The following ABCA6 variants were observed in gnomAD, a reference collection of about 807,000 sequenced individuals.
The protein encoded by ABCA6 is ATP binding cassette subfamily A member 6, also known as ATP-binding cassette sub-family A member 6.
A neutral mutation model predicts 191.2 loss-of-function variants in ABCA6; 164 were observed. That is an observed-to-expected ratio of 0.86 (90% CI 0.76 to 0.98). The LOEUF (loss-of-function observed/expected upper bound fraction) is 0.98, where lower values mean the gene tolerates loss of function less well. ABCA6 is among the 50% of genes least tolerant of loss of function. ABCA6 has a pLI of 0.00. For synonymous variants in ABCA6, 636 were observed against 647.7 expected, an observed-to-expected ratio of 0.98 and a Z score of 0.27; for missense variants, 1,958 against 1,894.1, an observed-to-expected ratio of 1.03 and a Z score of -0.63.
Position 69,113,722 on chromosome 17 carries a change from A to G in ABCA6, c.1798T>C (p.Leu600=). The change falls in exon 14 of 39, where the codon TTG becomes CTG. Residue 600 remains leucine (L), a synonymous_variant. Coordinates refer to ENST00000284425, the MANE Select transcript of ABCA6 (RefSeq NM_080284.3). ...EVEQEVQRIL[L]ELDMQNIQDN... is the part of the protein sequence containing the mutation. ...TGAATGTTTTGCATGTCCAATTCCA[A>G]TAATATTCGTTGTACCTATATGAGA... The G allele has an allele frequency of 1.2e-6, 2 of 1,612,222 alleles. No individual in the cohort carries two copies. The highest frequency in any genetic ancestry group is 2.2e-5 in the South Asian group (2 of 91,002).
In ABCA6 at chr17:69,079,473, T is replaced by C. The variant is rs555224516; in HGVS notation, c.4697-208A>G. ...TAATATTGATGTTATTTTCTCATAT[T>C]ATGTTTCAATAATATTTGTTTTGGT... is the stretch of plus-strand genomic sequence containing the variant. On this transcript the variant is annotated intron_variant, in intron 37 of 38. Transcript: ENST00000284425. 2.0e-5 allele frequency among the ~76,000 whole-genome samples: 3 copies of C among 152,356 alleles called. No individual in the cohort carries two copies. The East Asian group carries it at 5.8e-4, about 29-fold the overall frequency.
intron 26 of ABCA6, 118 bp from the exon 27 acceptor site, chr17:69,089,660 T>C: frequency 1.2e-6 from 1 of 808,194 alleles, no homozygotes; most frequent in Non-Finnish European, 1.9e-6. Flanking sequence ...TCAATTTCTT[T>C]GTGTGCACTA....
At chr17:69,128,502 C>A in intron 8 of ABCA6, 117 bp downstream of exon 8, 1 of 700,626 alleles carries the variant, frequency 1.4e-6, no homozygotes, top group Non-Finnish European at 2.1e-6. Flanking sequence ...TAAAGCTTAA[C>A]TTTAGAAAAA....
chr17:69,098,969 A>G (rs951070329), intron 22 of ABCA6, among the ~76,000 whole-genome samples: 1 of 152,228 alleles, frequency 6.6e-6, no homozygotes, highest in Non-Finnish European at 1.5e-5. Flanking sequence ...ACAACAAAAA[A>G]ACAATAATTC....
chr17:69,093,201 A>G (rs2072967938), intron 25 of ABCA6, among the ~76,000 whole-genome samples: 1 of 152,226 alleles, frequency 6.6e-6, no homozygotes. Flanking sequence ...TTAAGAAAAT[A>G]ACAGAATAAT....
At chr17:69,105,720 G>A in intron 19 of ABCA6, 92 bp from the exon 20 acceptor site, 2 of 987,676 alleles carry the variant, frequency 2.0e-6, no homozygotes, top group African/African-American at 1.6e-5. Context: ...TGCCAAGCCT[G>A]CCTTATGCCA....
At chr17:69,101,686 A>T (rs548176255) in intron 21 of ABCA6, among the ~76,000 whole-genome samples, 1 of 151,594 alleles carries the variant, frequency 6.6e-6, no homozygotes, top group African/African-American at 2.4e-5. Flanking sequence ...ATTCATCCTT[A>T]CCCTGCCAAA....
At chr17:69,115,547 G>T in intron 11 of ABCA6, 61 bp from the exon 12 acceptor site, 3 of 1,235,094 alleles carry the variant, frequency 2.4e-6, no homozygotes, top group East Asian at 2.4e-5. Flanking sequence ...GCATTAGACA[G>T]GCCTGGTCCC....
At chr17:69,107,655 T>G in intron 18 of ABCA6, 41 bp downstream of exon 18, 1 of 1,283,008 alleles carries the variant, frequency 7.8e-7, no homozygotes, top group Non-Finnish European at 1.1e-6. Context: ...CACATGATCA[T>G]TTGGGAATTG....
intron 5 of ABCA6, among the ~76,000 whole-genome samples, chr17:69,134,282 T>C (rs2144717910): frequency 6.6e-6 from 1 of 152,204 alleles, no homozygotes; most frequent in Non-Finnish European, 1.5e-5. Context: ...AGGGAGAGCC[T>C]TTGGGGTAGT....
intron 3 of ABCA6, 56 bp from the exon 4 acceptor site, chr17:69,136,306 A>G (rs1465179709): frequency 2.4e-6 from 3 of 1,258,236 alleles, no homozygotes; most frequent in Non-Finnish European, 3.2e-6. Flanking sequence ...TTGCCACAAC[A>G]TAATGTGATA....
chr17:69,135,708 A>T (rs1217470697), intron 4 of ABCA6: 2 of 322,368 alleles, frequency 6.2e-6, no homozygotes, highest in Middle Eastern at 8.2e-4. Flanking sequence ...CCCAGGTAGG[A>T]CTTCTCTAAT....
chr17:69,131,028 C>A (rs760512206), intron 6 of ABCA6, among the ~76,000 whole-genome samples: 1 of 152,140 alleles, frequency 6.6e-6, no homozygotes, highest in Non-Finnish European at 1.5e-5. Context: ...TTAGATCTAA[C>A]AAGACTATAG....
At chr17:69,095,840 A>G (rs1296267694) in intron 25 of ABCA6, among the ~76,000 whole-genome samples, 1 of 152,266 alleles carries the variant, frequency 6.6e-6, no homozygotes, top group Admixed American at 6.5e-5. Context: ...GTAACCTGGC[A>G]TAAGTATAAA....
chr17:69,128,784 C>G lies in ABCA6; in HGVS notation c.954G>C (p.Met318Ile). 4 of 1,598,666 alleles carry G rather than the reference C, an allele frequency of 2.5e-6. No individual in the cohort carries two copies. The highest frequency in any genetic ancestry group is 2.3e-5 in the East Asian group (1 of 44,298). The stretch of plus-strand genomic sequence containing the variant: ...GGACAGCTTTCTTTAACAGCACACT[C>G]ATCAGGAACACCAAAGCTACCTGCA... Reference protein sequence around the residue: ...GLSLVALVFLMSVLLKKAVLT... With the variant: ...GLSLVALVFLISVLLKKAVLT... The change falls in exon 8 of 39, where the codon ATG becomes ATC. Residue 318 changes from methionine to isoleucine, a missense_variant. Transcript: ENST00000284425.
At position 69,137,315 on chromosome 17, in the gene ABCA6, T is replaced by A; in HGVS notation, c.282A>T (p.Ala94=). Residue 94 remains alanine, a synonymous_variant, in exon 3 of 39, where the codon GCA becomes GCT. Transcript: ENST00000284425. ...ACCTACCTTTCAAAAGAGGAGCAAG[T>A]GCTGTTTTATTCATTATCTGCTGGG... ...NLTQQIMNKT[A]LAPLLKGTSV... 6.2e-7 allele frequency: 1 copy of A among 1,612,760 alleles called. No homozygotes were observed. Among genetic ancestry groups the A allele is most frequent in the Non-Finnish European group, 8.5e-7 (1 of 1,179,572 alleles).
rs1467795410 is a variant in ABCA6 at position 69,089,476 on chromosome 17, C to T, written c.3595G>A (p.Val1199Ile). 2 of 1,613,562 alleles carry T rather than the reference C, an allele frequency of 1.2e-6. No homozygotes were observed. ...AAAGCCCTTCTTACTATGAAGCAGACTAGAAAATCAGTGGCACTCAATTCA... is the reference window on the plus strand; with the variant it reads ...AAAGCCCTTCTTACTATGAAGCAGATTAGAAAATCAGTGGCACTCAATTCA... The part of the protein sequence containing the change: ...NFELSATDFL[V>I]CFIPYFQTLL... Residue 1199 changes from valine to isoleucine, a missense_variant, in exon 27 of 39, where the codon GTC becomes ATC. By Grantham distance (29) the Val-to-Ile change is conservative (BLOSUM62 3). Transcript: ENST00000284425.
rs192045969 is a variant in ABCA6 at position 69,098,288 on chromosome 17, A to C, written c.3013-261T>G. On this transcript the variant is annotated intron_variant, in intron 22 of 38. Transcript: ENST00000284425. Reference sequence around the variant, plus strand: ...CAAGCTCTCGAAGAGATACCCTCACATTCATATTCATACCAACAATACTCA... The same window carrying C: ...CAAGCTCTCGAAGAGATACCCTCACCTTCATATTCATACCAACAATACTCA... 222 of 364,256 alleles carry C rather than the reference A, an allele frequency of 6.1e-4. 1 individual carries two copies. Among genetic ancestry groups the C allele is most frequent in the African/African-American group, 4.5e-3 (212 of 47,538 alleles). 22.6% of individuals were successfully genotyped at this position (364,256 alleles called of 1,614,324 possible).
At position 69,134,631 on chromosome 17, in the gene ABCA6, G is replaced by T. The variant is rs762068122; in HGVS notation, c.564+8C>A. On this transcript the variant is annotated splice_region_variant and intron_variant, in intron 5 of 38. Transcript: ENST00000284425. Reference sequence around the variant, plus strand: ...TTAATTAGTAGAACTTTTCAATCAAGCACTTACTTCTATAATGGCAGTATT... The same window carrying T: ...TTAATTAGTAGAACTTTTCAATCAATCACTTACTTCTATAATGGCAGTATT... 40 of 1,591,790 alleles carry T rather than the reference G, an allele frequency of 2.5e-5. 2 individuals are homozygous for T. The South Asian group carries it at 4.5e-4, about 18-fold the overall frequency.
Sources: allele counts gnomAD v4.1 joint callset (sites outside exome capture counted in the v4.1 genomes callset), GRCh38; gene constraint gnomAD v4.1.1; transcripts MANE v1.5; gene names NCBI Gene and HGNC (gene_info 2026-07-23, HGNC 2026-07-21).